The following C12orf42 variants were observed in gnomAD, a reference collection of about 807,000 sequenced individuals.
The protein encoded by C12orf42 is chromosome 12 open reading frame 42.
In C12orf42, 25 loss-of-function variants were observed where a neutral mutation model predicts 21.6. The ratio of observed to expected loss-of-function variants is 1.16; its 90% CI spans 0.84 to 1.62. The LOEUF (loss-of-function observed/expected upper bound fraction) is 1.62, where lower values mean the gene tolerates loss of function less well. C12orf42 is among the 40% of genes most tolerant of loss of function. The pLI, the probability that C12orf42 is intolerant of heterozygous loss-of-function variation, is 0.00. For missense variants in C12orf42, 483 were observed against 459.3 expected (o/e 1.05, Z -0.47); for synonymous variants, 174 against 175.0 (o/e 0.99, Z 0.05).
chr12:103,396,541 G>A (rs2047550062), intron 3 of C12orf42: 1 of 152,184 alleles, frequency 6.6e-6, no homozygotes, highest in African/African-American at 2.4e-5. Context: ...CTGTCTATAA[G>A]TATATGAGAT....
the C12orf42 span, among the ~76,000 whole-genome samples, chr12:103,168,491 C>T: frequency 1.3e-5 from 2 of 152,128 alleles, no homozygotes; most frequent in African/African-American, 4.8e-5. Flanking sequence ...GTTATACTTG[C>T]TTTACATAGT....
Position 103,494,861 on chromosome 12 carries a change from C to T in C12orf42, c.-22+1041G>A, listed in dbSNP as rs185042238. 5.9e-5 allele frequency among the ~76,000 whole-genome samples: 9 copies of T among 152,078 alleles called. No homozygotes were observed. The East Asian group carries it at 1.7e-3, about 29-fold the overall frequency. Reference sequence around the variant, plus strand: ...TCGAATGAATGGGAGGAGGAGGTTACGTGAATGGGAGGGTTTCCCGGGAGG... The same window carrying T: ...TCGAATGAATGGGAGGAGGAGGTTATGTGAATGGGAGGGTTTCCCGGGAGG... On this transcript the variant is annotated intron_variant, in intron 1 of 5. Transcript: ENST00000548883.
At chr12:103,185,654 G>C in the C12orf42 span, among the ~76,000 whole-genome samples, 7 of 152,126 alleles carry the variant, frequency 4.6e-5, no homozygotes, top group Non-Finnish European at 8.8e-5. Flanking sequence ...GAGGGACCTG[G>C]TGGGAGAGAA....
At chr12:103,505,115 A>G in the C12orf42 span, among the ~76,000 whole-genome samples, 4 of 152,178 alleles carry the variant, frequency 2.6e-5, no homozygotes, top group Non-Finnish European at 5.9e-5. Flanking sequence ...TGTGTTCCTT[A>G]AAAAGAAGAT....
At chr12:103,480,481 T>G (rs898379952) in intron 1 of C12orf42, among the ~76,000 whole-genome samples, 1 of 151,698 alleles carries the variant, frequency 6.6e-6, no homozygotes, top group African/African-American at 2.4e-5. Flanking sequence ...ATTTATTCTC[T>G]TTCCTATACA....
the C12orf42 span, among the ~76,000 whole-genome samples, chr12:103,196,748 C>T: frequency 4.0e-5 from 6 of 151,884 alleles, no homozygotes; most frequent in Non-Finnish European, 5.9e-5. Flanking sequence ...GCGACCTCTA[C>T]TCTTGTCTTC....
At chr12:103,378,135 C>A (rs2045862740) in intron 3 of C12orf42, among the ~76,000 whole-genome samples, 1 of 152,156 alleles carries the variant, frequency 6.6e-6, no homozygotes, top group African/African-American at 2.4e-5. Flanking sequence ...CAAAAGGACT[C>A]AATAAATTTA....
At chr12:103,407,190 T>C (rs1213914588) in intron 2 of C12orf42, among the ~76,000 whole-genome samples, 1 of 152,098 alleles carries the variant, frequency 6.6e-6, no homozygotes, top group Non-Finnish European at 1.5e-5. Flanking sequence ...ATCAGGATGA[T>C]TGCAGAGGGG....
At chr12:103,077,780 C>T in the C12orf42 span, among the ~76,000 whole-genome samples, 5 of 152,106 alleles carry the variant, frequency 3.3e-5, no homozygotes, top group African/African-American at 9.7e-5. Context: ...GTGTCACTGG[C>T]GTTATGGAAG....
At chr12:103,161,989 A>C in the C12orf42 span, among the ~76,000 whole-genome samples, 1 of 152,182 alleles carries the variant, frequency 6.6e-6, no homozygotes, top group Non-Finnish European at 1.5e-5. Context: ...CTGTTCCCAC[A>C]GGTTTGGGGA....
the C12orf42 span, among the ~76,000 whole-genome samples, chr12:103,226,027 A>C: frequency 3.3e-5 from 5 of 152,334 alleles, no homozygotes; most frequent in Admixed American, 1.3e-4. Flanking sequence ...AGTGGCTGCC[A>C]GGTGAGTTGA....
the C12orf42 span, among the ~76,000 whole-genome samples, chr12:103,517,800 G>C: frequency 0.01 from 1,567 of 152,142 alleles, 17 homozygotes; most frequent in African/African-American, 0.03. Flanking sequence ...TTAGCAAGGC[G>C]CTGCTCAGAG....
At chr12:103,248,954 A>G (rs1327228095) in intron 10 of C12orf42, among the ~76,000 whole-genome samples, 2 of 152,030 alleles carry the variant, frequency 1.3e-5, no homozygotes, top group Non-Finnish European at 2.9e-5. Context: ...ATTCTCTGTG[A>G]ATACATAGAT....
chr12:103,233,465 ACT>A (rs1410581489), downstream of C12orf42, among the ~76,000 whole-genome samples: 19 of 151,912 alleles, frequency 1.3e-4, no homozygotes, highest in Admixed American at 4.6e-4. Context: ...ACATGAAATA[ACT>A]CTCTGTTTAT....
upstream of C12orf42, among the ~76,000 whole-genome samples, chr12:103,496,954 A>T (rs1955573722): frequency 1.9e-5 from 2 of 106,748 alleles, no homozygotes; most frequent in African/African-American, 9.5e-5. Context: ...TATTTCTTTA[A>T]AAAAAAAAGT....
intron 4 of C12orf42, among the ~76,000 whole-genome samples, chr12:103,353,794 A>C (rs1451585944): frequency 6.6e-6 from 1 of 152,190 alleles, no homozygotes; most frequent in Non-Finnish European, 1.5e-5. Context: ...ATGACGCAGA[A>C]ATATTCAAGG....
intron 10 of C12orf42, among the ~76,000 whole-genome samples, chr12:103,254,013 G>C (rs1246314579): frequency 6.6e-6 from 1 of 152,046 alleles, no homozygotes; most frequent in Non-Finnish European, 1.5e-5. Flanking sequence ...TGCTTTTGTT[G>C]CAGTTGCTTT....
the C12orf42 span, among the ~76,000 whole-genome samples, chr12:103,182,438 G>A: frequency 2.0e-5 from 3 of 152,206 alleles, no homozygotes; most frequent in Non-Finnish European, 4.4e-5. Flanking sequence ...AAATGGCAAA[G>A]AGGAGGAGCA....
chr12:103,394,105 A>G (rs2138518536), intron 3 of C12orf42, among the ~76,000 whole-genome samples: 1 of 152,358 alleles, frequency 6.6e-6, no homozygotes, highest in Admixed American at 6.5e-5. Flanking sequence ...AAATCTTCCC[A>G]TGCTCATACT....
Sources: allele counts gnomAD v4.1 joint callset (sites outside exome capture counted in the v4.1 genomes callset), GRCh38; gene constraint gnomAD v4.1.1; transcripts MANE v1.5; gene names NCBI Gene and HGNC (gene_info 2026-07-23, HGNC 2026-07-21).